The following FTO variants were observed in gnomAD, a reference collection of about 807,000 sequenced individuals.
FTO encodes alpha-ketoglutarate-dependent dioxygenase FTO.
A neutral mutation model predicts 63.9 loss-of-function variants in FTO; 47 were observed. That is an observed-to-expected ratio of 0.74 (90% CI 0.58 to 0.94). FTO has a LOEUF of 0.94. FTO is among the 40% of genes least tolerant of loss of function. The pLI is 0.00. For synonymous variants in FTO, 207 were observed against 224.4 expected, an observed-to-expected ratio of 0.92 and a Z score of 0.69; for missense variants, 562 against 618.1, an observed-to-expected ratio of 0.91 and a Z score of 0.96.
chr16:53,918,505 A>G (rs2081936176), intron 7 of FTO, among the ~76,000 whole-genome samples: 1 of 152,260 alleles, frequency 6.6e-6, no homozygotes, highest in Non-Finnish European at 1.5e-5. Flanking sequence ...ATTATATGAC[A>G]CACAACTCTA....
At chr16:53,759,693 C>CAAAAAAAAAAA (rs758376530) in intron 1 of FTO, among the ~76,000 whole-genome samples, 2 of 28,500 alleles carry the variant, frequency 7.0e-5, no homozygotes, top group Non-Finnish European at 1.3e-4. Context: ...GACTCCTTCT[C>CAAAAAAAAAAA]AAAAAAAAAA....
chr16:53,835,448 C>A (rs1233964348), intron 3 of FTO, among the ~76,000 whole-genome samples: 1 of 152,096 alleles, frequency 6.6e-6, no homozygotes, highest in Admixed American at 6.5e-5. Flanking sequence ...TTTATTCCAC[C>A]TTGGTATATG....
At chr16:53,874,504 A>G (rs1167371122) in intron 5 of FTO, among the ~76,000 whole-genome samples, 1 of 152,228 alleles carries the variant, frequency 6.6e-6, no homozygotes, top group African/African-American at 2.4e-5. Flanking sequence ...GAGGGGTTCC[A>G]GAGAGCAAGG....
intron 8 of FTO, among the ~76,000 whole-genome samples, chr16:53,994,987 G>T (rs1399723873): frequency 2.0e-5 from 3 of 152,146 alleles, no homozygotes; most frequent in Non-Finnish European, 4.4e-5. Context: ...GCCCGTCTCG[G>T]CCTCCTCTTA....
chr16:53,963,010 C>G (rs2083117187), intron 8 of FTO, among the ~76,000 whole-genome samples: 1 of 151,944 alleles, frequency 6.6e-6, no homozygotes, highest in South Asian at 2.1e-4. Flanking sequence ...TTCATCAAAA[C>G]TAAACTAAGA....
intron 2 of FTO, among the ~76,000 whole-genome samples, chr16:53,812,999 A>G (rs2078574587): frequency 6.6e-6 from 1 of 152,232 alleles, no homozygotes; most frequent in African/African-American, 2.4e-5. Flanking sequence ...CTGCCAAGCC[A>G]TTTCAGCTTT....
At chr16:53,940,662 C>T (rs997484111) in intron 8 of FTO, among the ~76,000 whole-genome samples, 5 of 152,090 alleles carry the variant, frequency 3.3e-5, no homozygotes, top group South Asian at 2.1e-4. Context: ...TCATTTGGGT[C>T]GAAGGAGCCT....
intron 7 of FTO, among the ~76,000 whole-genome samples, chr16:53,908,912 A>C (rs1050923025): frequency 1.3e-5 from 2 of 152,158 alleles, no homozygotes; most frequent in African/African-American, 4.8e-5. Flanking sequence ...GAGTTCTATT[A>C]TAGCCTTCTG....
intron 1 of FTO, among the ~76,000 whole-genome samples, chr16:53,747,154 T>A (rs753430279): frequency 6.6e-6 from 1 of 152,230 alleles, no homozygotes; most frequent in Non-Finnish European, 1.5e-5. Context: ...TGCATAGTGC[T>A]GCAGTGAACA....
chr16:54,082,799 G>A (rs990469150), intron 8 of FTO, among the ~76,000 whole-genome samples: 14 of 152,128 alleles, frequency 9.2e-5, no homozygotes, highest in African/African-American at 2.2e-4. Flanking sequence ...CAACTGACCC[G>A]CCATGCTGCT....
chr16:53,835,133 A>G (rs1057482342), intron 3 of FTO, among the ~76,000 whole-genome samples: 6 of 152,208 alleles, frequency 3.9e-5, no homozygotes, highest in African/African-American at 1.4e-4. Context: ...TCTCCTCTTA[A>G]GAGCTTCAGA....
chr16:53,816,506 C>T (rs572724934), intron 2 of FTO, among the ~76,000 whole-genome samples: 140 of 135,340 alleles, frequency 1.0e-3, no homozygotes, highest in Non-Finnish European at 1.7e-3. Flanking sequence ...CCCACCCCCC[C>T]TCACACTTTT....
intron 8 of FTO, among the ~76,000 whole-genome samples, chr16:53,956,245 T>C (rs2082927574): frequency 6.6e-6 from 1 of 152,170 alleles, no homozygotes; most frequent in Non-Finnish European, 1.5e-5. Context: ...AGCATCCCTG[T>C]GATATTTCTC....
chr16:53,934,210 G>A, intron 8 of FTO, 101 bp downstream of exon 8: 2 of 1,319,466 alleles, frequency 1.5e-6, no homozygotes, highest in Non-Finnish European at 2.2e-6. Flanking sequence ...TCCTTTGAGG[G>A]CCCATGAAAA....
intron 8 of FTO, among the ~76,000 whole-genome samples, chr16:54,029,911 G>A (rs983757357): frequency 2.6e-5 from 4 of 152,136 alleles, no homozygotes; most frequent in African/African-American, 9.7e-5. Context: ...ATTTGTGCTG[G>A]TCTCTGTTTG....
At chr16:54,076,043 A>T (rs1421009748) in intron 8 of FTO, among the ~76,000 whole-genome samples, 2 of 152,092 alleles carry the variant, frequency 1.3e-5, no homozygotes, top group African/African-American at 4.8e-5. Context: ...GGTTAATGAC[A>T]ATCCTCCAAG....
chr16:53,763,812 AC>A (rs2077128123), intron 1 of FTO, among the ~76,000 whole-genome samples: 1 of 152,180 alleles, frequency 6.6e-6, no homozygotes, highest in Non-Finnish European at 1.5e-5. Flanking sequence ...TAGTCTAAGG[AC>A]CCAGTATTAG....
At chr16:53,775,597 C>T (rs2151642015) in intron 1 of FTO, among the ~76,000 whole-genome samples, 1 of 152,248 alleles carries the variant, frequency 6.6e-6, no homozygotes, top group South Asian at 2.1e-4. Context: ...AGGATAGAAT[C>T]CAGACTCCTT....
chr16:53,905,168 C>T lies in FTO; in HGVS notation c.1239+16217C>T, dbSNP rs557358628. On this transcript the variant is annotated intron_variant, in intron 7 of 8. Coordinates refer to ENST00000471389, the MANE Select transcript of FTO (RefSeq NM_001080432.3). ...ATCTCATGCTATGTTGTAAAGTGAGCATCTGTTGCTGGCTGTATGACCCAT... is the reference window on the plus strand; with the variant it reads ...ATCTCATGCTATGTTGTAAAGTGAGTATCTGTTGCTGGCTGTATGACCCAT... 2.2e-4 allele frequency among the ~76,000 whole-genome samples: 33 copies of T among 152,062 alleles called. No homozygotes were observed. In the East Asian group the frequency reaches 6.1e-3, roughly 28 times the overall value.
Sources: gnomAD v4.1 joint callset for allele counts (sites outside exome capture counted in the v4.1 genomes callset) on GRCh38, gnomAD v4.1.1 for gene constraint, MANE v1.5 for transcripts, NCBI Gene and HGNC (gene_info 2026-07-23, HGNC 2026-07-21) for gene names.